Variants in SIRPA observed in about 807,000 individuals in gnomAD.
SIRPA encodes signal regulatory protein alpha.
SIRPA carries 9 observed loss-of-function variants against 50.3 expected under a neutral mutation model. The ratio of observed to expected loss-of-function variants is 0.18; its 90% CI spans 0.11 to 0.31. The LOEUF (loss-of-function observed/expected upper bound fraction) is 0.31. SIRPA is among the 10% of genes least tolerant of loss of function. The probability of loss-of-function intolerance (pLI) is 1.00; values close to 1 mark genes in which losing one functional copy is unlikely to be tolerated. For missense variants in SIRPA, 474 were observed against 661.6 expected (o/e 0.72, Z 3.11); for synonymous variants, 265 against 284.1 (o/e 0.93, Z 0.68).
chr20:1,902,034 T>G (rs1188693186), intron 1 of SIRPA, among the ~76,000 whole-genome samples: 8 of 152,226 alleles, frequency 5.3e-5, no homozygotes, highest in Non-Finnish European at 1.2e-4. Context: ...GGCTGAGCCT[T>G]GAACATGTGT....
Position 1,933,343 on chromosome 20 carries a change from G to T in SIRPA, c.1227-1372G>T, listed in dbSNP as rs1986393624. 6.6e-6 allele frequency among the ~76,000 whole-genome samples: 1 copy of T among 151,848 alleles called. No individual in the cohort carries two copies. The highest frequency in any genetic ancestry group is 1.5e-5 in the Non-Finnish European group (1 of 67,992). On this transcript the variant is annotated intron_variant, in intron 6 of 7. Coordinates refer to ENST00000358771, the MANE Select transcript of SIRPA (RefSeq NM_001040023.2). The surrounding 1 kb of genome is among the most constrained non-coding windows in gnomAD (Gnocchi z 4.4). ...AGGAAAGTTAGCCAAGAGGAAAAAT[G>T]ATCAAAGGGGTCCTTCGAGGCTGCT...
In SIRPA at chr20:1,927,978, C is replaced by T. The variant is rs1166033098; in HGVS notation, c.1226+79C>T. 8.2e-7 allele frequency: 1 copy of T among 1,217,480 alleles called. No homozygotes were observed. Among genetic ancestry groups the T allele is most frequent in the African/African-American group, 1.5e-5 (1 of 67,246 alleles). 75.4% of individuals were successfully genotyped at this position (1,217,480 alleles called of 1,614,324 possible). A position where few individuals can be genotyped will look rare whatever the true frequency, so the allele number is the denominator to read the frequency against. ...AGCCCCCCAGACTACAAAGCATAAT[C>T]CATGTCCACTGACCTCACCAATGTG... On this transcript the variant is annotated intron_variant, in intron 6 of 7. Transcript: ENST00000358771. The surrounding 1 kb of genome is among the most constrained non-coding windows in gnomAD (Gnocchi z 6.5).
At chr20:1,935,189 C>T (rs557388666) in intron 7 of SIRPA, among the ~76,000 whole-genome samples, 7 of 152,328 alleles carry the variant, frequency 4.6e-5, no homozygotes, top group African/African-American at 1.7e-4. Flanking sequence ...AGGGCCTCTC[C>T]CACCTTTGCT....
intron 1 of SIRPA, among the ~76,000 whole-genome samples, chr20:1,902,713 A>G (rs140815841): frequency 3.1e-3 from 475 of 152,322 alleles, no homozygotes; most frequent in Admixed American, 4.8e-3. Flanking sequence ...AGAGGCCTCA[A>G]GAAAATGTAC....
rs2122208223 is a variant in SIRPA at position 1,937,028 on chromosome 20, C to T, written c.1267-292C>T. On this transcript the variant is annotated intron_variant, in intron 7 of 7. Coordinates refer to ENST00000358771, the MANE Select transcript of SIRPA (RefSeq NM_001040023.2). This position sits in a 1 kb window ranked among gnomAD's most constrained non-coding sequence, Gnocchi z 8.3. Reference sequence around the variant, plus strand: ...GGGTGAAGACTGCAGGTGGTTCAGGCTAGGAGGAGGCAGGAACGGGAGGAG... The same window carrying T: ...GGGTGAAGACTGCAGGTGGTTCAGGTTAGGAGGAGGCAGGAACGGGAGGAG... Among the ~76,000 whole-genome samples, 1 of 152,132 alleles carries T rather than the reference C, an allele frequency of 6.6e-6. No individual in the cohort carries two copies. The highest frequency in any genetic ancestry group is 3.4e-3 in the Middle Eastern group (1 of 294).
intron 1 of SIRPA, among the ~76,000 whole-genome samples, chr20:1,903,930 A>G (rs532906676): frequency 6.6e-6 from 1 of 152,242 alleles, no homozygotes; most frequent in Admixed American, 6.5e-5. Flanking sequence ...TGCACGAGAG[A>G]TGGGCTATGT....
rs532327759 is a variant in SIRPA at position 1,933,613 on chromosome 20, G to A, written c.1227-1102G>A. Among the ~76,000 whole-genome samples the A allele has an allele frequency of 6.6e-6, 1 of 152,290 alleles. No homozygotes were observed. The highest frequency in any genetic ancestry group is 1.9e-4 in the East Asian group (1 of 5,180). On this transcript the variant is annotated intron_variant, in intron 6 of 7. Transcript: ENST00000358771. This position sits in a 1 kb window ranked among gnomAD's most constrained non-coding sequence, Gnocchi z 4.4. ...GATCTTCCCCAGCAGACGTGCCCCT[G>A]CTCCTGGAGGGTTCTTTCTGTGGCC...
intron 2 of SIRPA, 116 bp from the exon 3 acceptor site, chr20:1,921,279 C>T: frequency 1.9e-6 from 3 of 1,559,292 alleles, no homozygotes; most frequent in Non-Finnish European, 2.6e-6. Context: ...TTAATCCTTC[C>T]ACATTATTGG....
intron 2 of SIRPA, among the ~76,000 whole-genome samples, chr20:1,917,763 C>T (rs1016855325): frequency 2.6e-5 from 4 of 152,152 alleles, no homozygotes; most frequent in Non-Finnish European, 4.4e-5. Flanking sequence ...GAGGCATTTC[C>T]TGGTGGGTGC....
chr20:1,922,792 C>A, intron 4 of SIRPA, 147 bp downstream of exon 4: 2 of 971,824 alleles, frequency 2.1e-6, no homozygotes, highest in Non-Finnish European at 3.0e-6. Flanking sequence ...AGCTCCATTT[C>A]CCCAAATCCC....
At position 1,921,594 on chromosome 20, in the gene SIRPA, A is replaced by G. The variant is rs763702060; in HGVS notation, c.636A>G (p.Thr212=). ...GESVSYSIHS[T]AKVVLTREDV... The stretch of plus-strand genomic sequence containing the variant: ...GCGTGTCCTACAGCATCCACAGCAC[A>G]GCCAAGGTGGTGCTGACCCGCGAGG... Residue 212 remains threonine, a synonymous_variant, in exon 3 of 8, where the codon ACA becomes ACG. Transcript: ENST00000358771. 3.1e-6 allele frequency: 5 copies of G among 1,614,218 alleles called. No individual in the cohort carries two copies. The highest frequency in any genetic ancestry group is 4.2e-6 in the Non-Finnish European group (5 of 1,180,050).
chr20:1,901,859 G>A (rs1206933504), intron 1 of SIRPA, among the ~76,000 whole-genome samples: 2 of 152,182 alleles, frequency 1.3e-5, no homozygotes, highest in East Asian at 1.9e-4. Flanking sequence ...ATTGGAAGCC[G>A]GGAGTGAGCG....
intron 1 of SIRPA, among the ~76,000 whole-genome samples, chr20:1,901,478 G>A (rs540222969): frequency 1.8e-4 from 27 of 152,052 alleles, no homozygotes; most frequent in South Asian, 4.2e-4. Flanking sequence ...GCCTCCTCTC[G>A]TATTTCTATC....
At chr20:1,930,129 C>A (rs1397774154) in intron 6 of SIRPA, among the ~76,000 whole-genome samples, 1 of 152,148 alleles carries the variant, frequency 6.6e-6, no homozygotes. Flanking sequence ...TGAATGGCAC[C>A]CCCTGGAGTT....
chr20:1,937,758 C>G lies in SIRPA; in HGVS notation c.*190C>G. On this transcript the variant is annotated 3_prime_UTR_variant, in exon 8 of 8. Coordinates refer to ENST00000358771, the MANE Select transcript of SIRPA (RefSeq NM_001040023.2). This position sits in a 1 kb window ranked among gnomAD's most constrained non-coding sequence, Gnocchi z 8.3. ...TCCAGCACTTCCTGGGCAGCCACGG[C>G]CCCCTCCCCCCACATTGCCACATAC... 1.4e-6 allele frequency: 1 copy of G among 690,518 alleles called. No homozygotes were observed. The highest frequency in any genetic ancestry group is 2.4e-6 in the Non-Finnish European group (1 of 424,246). 42.8% of individuals were successfully genotyped at this position (690,518 alleles called of 1,614,324 possible). A position where few individuals can be genotyped will look rare whatever the true frequency, so the allele number is the denominator to read the frequency against.
At chr20:1,920,347 A>G (rs1357337075) in intron 2 of SIRPA, among the ~76,000 whole-genome samples, 1 of 152,214 alleles carries the variant, frequency 6.6e-6, no homozygotes, top group African/African-American at 2.4e-5. Flanking sequence ...GGAGAAGTTA[A>G]TATTTACAAA....
chr20:1,939,329 T>A lies in SIRPA; in HGVS notation c.*1761T>A, dbSNP rs1348918514. 1 of 152,174 alleles carries A rather than the reference T, an allele frequency of 6.6e-6. No individual in the cohort carries two copies. Among genetic ancestry groups the A allele is most frequent in the African/African-American group, 2.4e-5 (1 of 41,428 alleles). 9.4% of individuals were successfully genotyped at this position (152,174 alleles called of 1,614,324 possible). A position where few individuals can be genotyped will look rare whatever the true frequency, so the allele number is the denominator to read the frequency against. ...CAGGTGAAACTGCAGGAGCTCAGCATAGACCCAGCTCTCTGGGGGATGGTC... is the reference window on the plus strand; with the variant it reads ...CAGGTGAAACTGCAGGAGCTCAGCAAAGACCCAGCTCTCTGGGGGATGGTC... On this transcript the variant is annotated 3_prime_UTR_variant, in exon 8 of 8. Transcript: ENST00000358771. This position sits in a 1 kb window ranked among gnomAD's most constrained non-coding sequence, Gnocchi z 4.7.
At position 1,932,933 on chromosome 20, in the gene SIRPA, G is replaced by C. The variant is rs958547327; in HGVS notation, c.1227-1782G>C. On this transcript the variant is annotated intron_variant, in intron 6 of 7. Transcript: ENST00000358771. The surrounding 1 kb of genome is among the most constrained non-coding windows in gnomAD (Gnocchi z 6.0). ...GGGGAGACACAGATATGGGGAAAAT[G>C]ATAATTGGTTATTGTCTGAAATTGC... 6.6e-6 allele frequency among the ~76,000 whole-genome samples: 1 copy of C among 152,230 alleles called. No homozygotes were observed. The highest frequency in any genetic ancestry group is 2.4e-5 in the African/African-American group (1 of 41,452).
Position 1,937,764 on chromosome 20 carries a change from C to T in SIRPA, c.*196C>T. ...ACTTCCTGGGCAGCCACGGCCCCCT[C>T]CCCCCACATTGCCACATACCTGGAG... On this transcript the variant is annotated 3_prime_UTR_variant, in exon 8 of 8. Coordinates refer to ENST00000358771, the MANE Select transcript of SIRPA (RefSeq NM_001040023.2). This position sits in a 1 kb window ranked among gnomAD's most constrained non-coding sequence, Gnocchi z 8.3. 1 of 674,260 alleles carries T rather than the reference C, an allele frequency of 1.5e-6. No individual in the cohort carries two copies. Among genetic ancestry groups the T allele is most frequent in the Non-Finnish European group, 2.4e-6 (1 of 409,950 alleles). 41.8% of individuals were successfully genotyped at this position (674,260 alleles called of 1,614,324 possible).
Sources: allele counts gnomAD v4.1 joint callset (sites outside exome capture counted in the v4.1 genomes callset), GRCh38; gene constraint gnomAD v4.1.1; non-coding constraint Gnocchi (gnomAD v3.1); transcripts MANE v1.5; gene names NCBI Gene and HGNC (gene_info 2026-07-23, HGNC 2026-07-21).